Variants in TDRD9 observed in about 807,000 individuals in gnomAD.
TDRD9 encodes the protein tudor domain containing 9.
A neutral mutation model predicts 172.6 loss-of-function variants in TDRD9; 124 were observed. That is an observed-to-expected ratio of 0.72 (90% CI 0.62 to 0.83). The LOEUF (loss-of-function observed/expected upper bound fraction) is 0.83. Among genes scored for constraint, TDRD9 ranks in the 40% least tolerant of loss-of-function variants. TDRD9 has a pLI of 0.00. For synonymous variants in TDRD9, 619 were observed against 617.1 expected, an observed-to-expected ratio of 1.00 and a Z score of -0.05; for missense variants, 1,479 against 1,714.1, an observed-to-expected ratio of 0.86 and a Z score of 2.42.
intron 34 of TDRD9, among the ~76,000 whole-genome samples, chr14:104,046,031 A>G (rs1464425951): frequency 6.6e-6 from 1 of 152,132 alleles, no homozygotes; most frequent in Non-Finnish European, 1.5e-5. Context: ...GTCTCGACTC[A>G]CTGCAGCCTC....
chr14:104,008,800 G>A (rs1009669158), intron 20 of TDRD9, among the ~76,000 whole-genome samples: 1 of 152,182 alleles, frequency 6.6e-6, no homozygotes, highest in African/African-American at 2.4e-5. Context: ...TGTAGTCCCA[G>A]CTTCTGGGAA....
rs1283125633 is a variant in TDRD9, at chr14:104,025,730, G to A, written c.2885G>A (p.Arg962His). ...CCTTTTGCTGATTTTGATAAACAAC[G>A]CTACTTTAGAGCTCAAGTCCTTTAT... ...LAPFADFDKQ[R>H]YFRAQVLYVS... The change falls in exon 26 of 36, where the codon CGC (arginine) becomes CAC (histidine). Residue 962 changes from arginine to histidine, a missense_variant. Arg to His is a conservative substitution (Grantham distance 29). Transcript: ENST00000409874. The A allele has an allele frequency of 6.2e-6, 10 of 1,613,960 alleles. No individual in the cohort carries two copies. In the Admixed American group the frequency reaches 1.0e-4, roughly 16 times the overall value.
chr14:103,968,440 TAGCC>T (rs909378902), intron 5 of TDRD9, among the ~76,000 whole-genome samples: 61 of 152,314 alleles, frequency 4.0e-4, no homozygotes, highest in Admixed American at 3.5e-3. Flanking sequence ...AAGTTGAAGA[TAGCC>T]AGCCAGTTTA....
chr14:104,038,126 T>G (rs1441162781), intron 32 of TDRD9, among the ~76,000 whole-genome samples: 2 of 152,114 alleles, frequency 1.3e-5, no homozygotes, highest in South Asian at 2.1e-4. Flanking sequence ...ATGCTGGCCA[T>G]GGTTTAGAGG....
intron 1 of TDRD9, among the ~76,000 whole-genome samples, chr14:103,932,687 G>A (rs1396444172): frequency 1.3e-5 from 2 of 151,966 alleles, no homozygotes; most frequent in Non-Finnish European, 2.9e-5. Flanking sequence ...GCGCCCGGCC[G>A]GGAGGGATGG....
At chr14:104,029,723 G>A (rs941926015) in intron 28 of TDRD9, among the ~76,000 whole-genome samples, 1 of 152,040 alleles carries the variant, frequency 6.6e-6, no homozygotes, top group South Asian at 2.1e-4. Context: ...GAATATAAAT[G>A]GTAAAATTGG....
chr14:103,930,987 C>T (rs1029663099), intron 1 of TDRD9, among the ~76,000 whole-genome samples: 11 of 151,996 alleles, frequency 7.2e-5, no homozygotes, highest in Non-Finnish European at 1.6e-4. Context: ...ACATACTAAT[C>T]GCAGTTAAAA....
At chr14:103,995,544 C>T (rs879804350) in intron 11 of TDRD9, among the ~76,000 whole-genome samples, 3 of 152,178 alleles carry the variant, frequency 2.0e-5, no homozygotes, top group Admixed American at 2.0e-4. Context: ...AAAGCCTTTG[C>T]TGTGTTGTAT....
At chr14:103,930,136 C>T (rs2030280507) in intron 1 of TDRD9, among the ~76,000 whole-genome samples, 1 of 152,102 alleles carries the variant, frequency 6.6e-6, no homozygotes, top group East Asian at 1.9e-4. Context: ...TTGCTCAGTC[C>T]CCAAGTCCAG....
At chr14:103,996,163 C>A (rs1464121734) in intron 12 of TDRD9, among the ~76,000 whole-genome samples, 1 of 152,210 alleles carries the variant, frequency 6.6e-6, no homozygotes, top group Non-Finnish European at 1.5e-5. Flanking sequence ...CTTGGCAGGA[C>A]ACCATGTCAA....
rs2032771130 is a variant in TDRD9, at chr14:103,966,820, A to G, written c.754A>G (p.Ile252Val). The change falls in exon 5 of 36, where the codon ATC becomes GTC. Residue 252 changes from isoleucine (I) to valine (V), a missense_variant. Physicochemically the swap from Ile to Val is conservative, Grantham distance 29. Transcript: ENST00000409874. Reference sequence around the variant, plus strand: ...GAGTTTGATGGAATTCACACATATCATCATTGATGAAGTAAGTGATGTCAT... The same window carrying G: ...GAGTTTGATGGAATTCACACATATCGTCATTGATGAAGTAAGTGATGTCAT... The part of the protein sequence containing the change: ...AKSLMEFTHI[I>V]IDEVHERTEE... The G allele has an allele frequency of 6.5e-7, 1 of 1,549,822 alleles. No individual in the cohort carries two copies. The highest frequency in any genetic ancestry group is 1.4e-5 in the African/African-American group (1 of 73,092).
At chr14:103,993,758 A>T (rs1247466249) in intron 9 of TDRD9, among the ~76,000 whole-genome samples, 1 of 152,200 alleles carries the variant, frequency 6.6e-6, no homozygotes, top group Non-Finnish European at 1.5e-5. Context: ...CTTCATCTTA[A>T]CTAATTACAT....
chr14:103,988,850 C>T (rs1424900562), intron 8 of TDRD9, among the ~76,000 whole-genome samples: 1 of 152,092 alleles, frequency 6.6e-6, no homozygotes, highest in Non-Finnish European at 1.5e-5. Flanking sequence ...CGTGCCACCA[C>T]ACCCTGCTGA....
chr14:104,051,638 A>G (rs1482022729), intron 35 of TDRD9, among the ~76,000 whole-genome samples: 1 of 152,110 alleles, frequency 6.6e-6, no homozygotes, highest in African/African-American at 2.4e-5. Flanking sequence ...CTTTTTAATA[A>G]TAGCTATTCT....
intron 13 of TDRD9, among the ~76,000 whole-genome samples, chr14:104,003,326 C>T (rs892824505): frequency 2.0e-5 from 3 of 152,094 alleles, no homozygotes; most frequent in Non-Finnish European, 4.4e-5. Flanking sequence ...TAGCATCTAT[C>T]TTATGCCTTA....
intron 33 of TDRD9, 22 bp downstream of exon 33, chr14:104,040,356 G>T: frequency 6.5e-7 from 1 of 1,529,462 alleles, no homozygotes; most frequent in Non-Finnish European, 8.8e-7. Context: ...GCAGCATCAC[G>T]GCACCACAAC....
chr14:104,030,830 G>C (rs2035259558), intron 28 of TDRD9, among the ~76,000 whole-genome samples: 2 of 152,136 alleles, frequency 1.3e-5, no homozygotes, highest in South Asian at 4.1e-4. Context: ...GACTGTTGTG[G>C]GGTGAGGGGA....
At chr14:104,004,770 C>G (rs1050303592) in intron 14 of TDRD9, among the ~76,000 whole-genome samples, 1 of 152,174 alleles carries the variant, frequency 6.6e-6, no homozygotes, top group African/African-American at 2.4e-5. Flanking sequence ...AATCTGGGCT[C>G]ACTATTGATT....
intron 12 of TDRD9, 68 bp from the exon 13 acceptor site, chr14:103,998,556 C>A: frequency 1.1e-6 from 1 of 876,856 alleles, no homozygotes; most frequent in Non-Finnish European, 1.9e-6. Context: ...TATCACTATG[C>A]ATTGTGATTT....
Sources: gnomAD v4.1 joint callset for allele counts (sites outside exome capture counted in the v4.1 genomes callset) on GRCh38, gnomAD v4.1.1 for gene constraint, MANE v1.5 for transcripts, NCBI Gene and HGNC (gene_info 2026-07-23, HGNC 2026-07-21) for gene names.